Variants in HEMK2 observed in about 807,000 individuals in gnomAD.
HEMK2 encodes methyltransferase HEMK2.
At chr21:28,816,979 G>A in the HEMK2 span, among the ~76,000 whole-genome samples, 2 of 152,170 alleles carry the variant, frequency 1.3e-5, no homozygotes, top group Admixed American at 1.3e-4. Flanking sequence ...ACCATTATAT[G>A]TCATGCAGAG....
chr21:28,821,528 T>C, the HEMK2 span, among the ~76,000 whole-genome samples: 2 of 152,244 alleles, frequency 1.3e-5, no homozygotes. Flanking sequence ...TGACTGTGTC[T>C]ATAAACTCAT....
At chr21:28,883,720 G>A in the HEMK2 span, among the ~76,000 whole-genome samples, 2 of 151,940 alleles carry the variant, frequency 1.3e-5, no homozygotes, top group African/African-American at 4.8e-5. Context: ...TATAATCTTG[G>A]AAGTTGCTTC....
At chr21:28,831,466 A>C in the HEMK2 span, among the ~76,000 whole-genome samples, 1,184 of 27,364 alleles carry the variant, frequency 0.043, 59 homozygotes, top group African/African-American at 0.15. Context: ...AAAGAACGAA[A>C]GAAAGAAAGA....
At chr21:28,755,952 C>A in the HEMK2 span, among the ~76,000 whole-genome samples, 4 of 152,226 alleles carry the variant, frequency 2.6e-5, no homozygotes, top group African/African-American at 9.6e-5. Flanking sequence ...TATATTGAAC[C>A]AAACATTAAA....
the HEMK2 span, among the ~76,000 whole-genome samples, chr21:28,704,340 T>C: frequency 2.0e-5 from 3 of 152,148 alleles, no homozygotes; most frequent in Non-Finnish European, 4.4e-5. Context: ...CTTATACTCA[T>C]GAGGCATTTC....
At chr21:28,713,025 G>C in the HEMK2 span, among the ~76,000 whole-genome samples, 1 of 152,186 alleles carries the variant, frequency 6.6e-6, no homozygotes, top group Non-Finnish European at 1.5e-5. Flanking sequence ...AAATATGTCT[G>C]CAAGTAAATA....
the HEMK2 span, among the ~76,000 whole-genome samples, chr21:28,687,751 C>T: frequency 1.3e-5 from 2 of 152,030 alleles, no homozygotes; most frequent in Admixed American, 6.6e-5. Flanking sequence ...TGACAAGGGA[C>T]ATGACTAAGA....
At chr21:28,694,827 T>C in the HEMK2 span, among the ~76,000 whole-genome samples, 1 of 151,972 alleles carries the variant, frequency 6.6e-6, no homozygotes, top group Non-Finnish European at 1.5e-5. Flanking sequence ...TGAAACCCCG[T>C]CTCTACTAAA....
chr21:28,815,133 A>G, the HEMK2 span, among the ~76,000 whole-genome samples: 1 of 151,532 alleles, frequency 6.6e-6, no homozygotes, highest in Admixed American at 6.6e-5. Flanking sequence ...CGCAAGGACA[A>G]AAAACCACAC....
At chr21:28,662,996 C>T in the HEMK2 span, among the ~76,000 whole-genome samples, 1 of 152,270 alleles carries the variant, frequency 6.6e-6, no homozygotes, top group African/African-American at 2.4e-5. Context: ...AACCTTCCAG[C>T]ACCTCCAGCA....
At chr21:28,737,096 A>G in the HEMK2 span, among the ~76,000 whole-genome samples, 9 of 152,022 alleles carry the variant, frequency 5.9e-5, no homozygotes, top group African/African-American at 2.2e-4. Context: ...TCCTCAGTGA[A>G]GTTTGTTGGT....
chr21:28,788,660 C>A, the HEMK2 span, among the ~76,000 whole-genome samples: 1 of 150,656 alleles, frequency 6.6e-6, no homozygotes, highest in South Asian at 2.1e-4. Context: ...ACCACCTGTA[C>A]CCCAATAACT....
At chr21:28,646,973 T>C in the HEMK2 span, among the ~76,000 whole-genome samples, 2 of 152,166 alleles carry the variant, frequency 1.3e-5, no homozygotes, top group African/African-American at 4.8e-5. Flanking sequence ...GCTCCTGTTC[T>C]TAATAAGGGG....
chr21:28,606,544 T>C, the HEMK2 span, among the ~76,000 whole-genome samples: 5 of 152,226 alleles, frequency 3.3e-5, 1 homozygote, highest in South Asian at 8.3e-4. Context: ...GGTAGAAGCA[T>C]TAAAAAAAAT....
the HEMK2 span, among the ~76,000 whole-genome samples, chr21:28,613,619 CTTTTT>C: frequency 1.8e-4 from 15 of 82,704 alleles, no homozygotes; most frequent in African/African-American, 5.2e-4. Context: ...TCTGCATATT[CTTTTT>C]TTTTTTTTTT....
At chr21:28,799,573 T>C in the HEMK2 span, among the ~76,000 whole-genome samples, 1 of 152,124 alleles carries the variant, frequency 6.6e-6, no homozygotes. Context: ...TGAGAAAACT[T>C]TGTAGACAAA....
At chr21:28,878,407 AG>A in the HEMK2 span, 1 of 1,548,268 alleles carries the variant, frequency 6.5e-7, no homozygotes, top group Non-Finnish European at 8.9e-7. Context: ...CTTTTTGACA[AG>A]TAATATCACC....
At chr21:28,715,741 CTTGA>C in the HEMK2 span, among the ~76,000 whole-genome samples, 1 of 152,068 alleles carries the variant, frequency 6.6e-6, no homozygotes, top group Non-Finnish European at 1.5e-5. Context: ...AGAGTATTTC[CTTGA>C]TTTTCTTCTA....
At chr21:28,756,097 C>T in the HEMK2 span, among the ~76,000 whole-genome samples, 1 of 145,052 alleles carries the variant, frequency 6.9e-6, no homozygotes, top group African/African-American at 2.9e-5. Context: ...AGACACAAGG[C>T]CAGTTCTGGC....
Sources: gnomAD v4.1 joint callset for allele counts (sites outside exome capture counted in the v4.1 genomes callset) on GRCh38, gnomAD v4.1.1 for gene constraint, MANE v1.5 for transcripts, NCBI Gene and HGNC (gene_info 2026-07-23, HGNC 2026-07-21) for gene names.